The following INTS2 variants were observed in gnomAD, a reference collection of about 807,000 sequenced individuals.
INTS2 encodes KIAA1287.
In INTS2, 57 loss-of-function variants were observed where a neutral mutation model predicts 139.6. That is an observed-to-expected ratio of 0.41 (90% CI 0.33 to 0.51). The LOEUF (loss-of-function observed/expected upper bound fraction) is 0.51, where lower values mean the gene tolerates loss of function less well. Among genes scored for constraint, INTS2 ranks in the 20% least tolerant of loss-of-function variants. INTS2 has a pLI of 0.28. For synonymous variants in INTS2, 473 were observed against 493.4 expected (o/e 0.96, Z 0.55); for missense variants, 1,196 against 1,436.7 (o/e 0.83, Z 2.71).
Position 61,874,939 on chromosome 17 carries a change from G to A in INTS2, c.2556C>T (p.Val852=). ...QNDLMIDPLI[V]LRCDQRVHRC... ...TGTGAACCCTCTGATCACACCTTAG[G>A]ACAATGAGAGGATCTATCATCAGGT... The change falls in exon 19 of 25, where the codon GTC becomes GTT. Residue 852 remains valine (V), a synonymous_variant. Coordinates refer to ENST00000251334, the MANE Select transcript of INTS2 (RefSeq NM_001351695.2). The A allele has an allele frequency of 6.3e-7, 1 of 1,597,788 alleles. No individual in the cohort carries two copies. Among genetic ancestry groups the A allele is most frequent in the South Asian group, 1.1e-5 (1 of 88,222 alleles).
intron 9 of INTS2, 137 bp downstream of exon 9, chr17:61,904,323 G>T: frequency 1.6e-6 from 1 of 627,588 alleles, no homozygotes; most frequent in Non-Finnish European, 2.7e-6. Flanking sequence ...CTTAAAAATT[G>T]GAAAAAACAA....
rs2145896914 is a variant in INTS2, at chr17:61,868,786, C to G, written c.3244+248G>C. ...GCTTATATTTACAAATCTATATATA[C>G]TCATTCACAAAATGAAAAATACAAT... On this transcript the variant is annotated intron_variant, in intron 23 of 24. Transcript: ENST00000251334. This position sits in a 1 kb window ranked among gnomAD's most constrained non-coding sequence, Gnocchi z 4.7. Among the ~76,000 whole-genome samples, 1 of 152,202 alleles carries G rather than the reference C, an allele frequency of 6.6e-6. No individual in the cohort carries two copies. The highest frequency in any genetic ancestry group is 1.9e-4 in the East Asian group (1 of 5,188).
chr17:61,897,724 C>A lies in INTS2; in HGVS notation c.1323G>T (p.Glu441Asp). ...AACTTAGCCACACCACCATCAGCTG[C>A]TCCTGTTCAGGTGTACTATATAAAA... ...FSTLVSTPEQ[E>D]QLMVVWLSWM... is the part of the protein sequence containing the mutation. The change falls in exon 10 of 25, where the codon GAG becomes GAT. Residue 441 changes from glutamate to aspartate, a missense_variant. Transcript: ENST00000251334. The surrounding 1 kb of genome is among the most constrained non-coding windows in gnomAD (Gnocchi z 4.4). The A allele has an allele frequency of 6.2e-7, 1 of 1,606,388 alleles. No individual in the cohort carries two copies. The highest frequency in any genetic ancestry group is 1.3e-5 in the African/African-American group (1 of 74,982).
chr17:61,926,192 C>A (rs1285569869), intron 2 of INTS2, among the ~76,000 whole-genome samples, 160 bp downstream of exon 2: 2 of 152,114 alleles, frequency 1.3e-5, no homozygotes, highest in Non-Finnish European at 2.9e-5. Flanking sequence ...ACATGGAAGT[C>A]AAAAGATTCT....
intron 3 of INTS2, among the ~76,000 whole-genome samples, chr17:61,922,676 A>G (rs527479908): frequency 7.9e-5 from 12 of 151,952 alleles, no homozygotes; most frequent in Admixed American, 7.2e-4. Context: ...AAGAGTGCCA[A>G]ACTAAAAAAT....
At chr17:61,902,531 C>A (rs981565377) in intron 9 of INTS2, among the ~76,000 whole-genome samples, 6 of 151,812 alleles carry the variant, frequency 4.0e-5, no homozygotes, top group African/African-American at 1.2e-4. Context: ...GTTATGCAAC[C>A]ACCAACACAA....
In INTS2 at chr17:61,890,033, G is replaced by A. The variant is rs8076333; in HGVS notation, c.1876-139C>T. On this transcript the variant is annotated intron_variant, in intron 14 of 24. Transcript: ENST00000251334. ...GGTAAAACAGGAGAAATGTTGCTGT[G>A]TGTGTATTAAACTCAAAAAAACAAC... is the stretch of plus-strand genomic sequence containing the variant. 7.1e-3 allele frequency: 4,264 copies of A among 601,974 alleles called. 148 individuals are homozygous for A. The highest frequency in any genetic ancestry group is 0.07 in the African/African-American group (3,736 of 53,630). 37.3% of individuals were successfully genotyped at this position (601,974 alleles called of 1,614,324 possible).
intron 5 of INTS2, among the ~76,000 whole-genome samples, chr17:61,917,594 A>T (rs1417940025): frequency 6.6e-6 from 1 of 152,198 alleles, no homozygotes; most frequent in Non-Finnish European, 1.5e-5. Flanking sequence ...ACATGGACAT[A>T]AAGATGGGAA....
In INTS2 at chr17:61,897,784, C is replaced by T. The variant is rs753562078; in HGVS notation, c.1308-45G>A. The T allele has an allele frequency of 4.0e-6, 5 of 1,240,188 alleles. No homozygotes were observed. The highest frequency in any genetic ancestry group is 4.8e-5 in the East Asian group (2 of 41,524). 76.8% of individuals were successfully genotyped at this position (1,240,188 alleles called of 1,614,324 possible). On this transcript the variant is annotated intron_variant, in intron 9 of 24. Coordinates refer to ENST00000251334, the MANE Select transcript of INTS2 (RefSeq NM_001351695.2). This position sits in a 1 kb window ranked among gnomAD's most constrained non-coding sequence, Gnocchi z 4.4. ...ATGTCACTGGTTTAAATTAGATATACTAGCATATGAATAAAAAGCATTCTG... is the reference window on the plus strand; with the variant it reads ...ATGTCACTGGTTTAAATTAGATATATTAGCATATGAATAAAAAGCATTCTG...
At chr17:61,920,181 T>TA (rs1162580239) in intron 4 of INTS2, among the ~76,000 whole-genome samples, 1 of 80,098 alleles carries the variant, frequency 1.2e-5, no homozygotes, top group Non-Finnish European at 2.3e-5. Flanking sequence ...TCTTATTTGC[T>TA]TTTTTTTTTT....
Position 61,891,655 on chromosome 17 carries a change from G to A in INTS2, c.1733C>T (p.Thr578Ile), listed in dbSNP as rs762946153. The change falls in exon 14 of 25, where the codon ACT (threonine) becomes ATT (isoleucine). Residue 578 changes from threonine (T) to isoleucine (I), a missense_variant. Physicochemically the swap from Thr to Ile is moderately conservative, Grantham distance 89. Coordinates refer to ENST00000251334, the MANE Select transcript of INTS2 (RefSeq NM_001351695.2). The stretch of plus-strand genomic sequence containing the variant: ...AGGAAGTAATTGAGGATGAAGTGGA[G>A]TAGAGGTTTCACACAGCTGTCTATA... ...WIYRQLCETS[T>I]PLHPQLLPLI... 1 of 1,612,730 alleles carries A rather than the reference G, an allele frequency of 6.2e-7. No individual in the cohort carries two copies. The highest frequency in any genetic ancestry group is 1.1e-5 in the South Asian group (1 of 91,000).
intron 1 of INTS2, 44 bp from the exon 2 acceptor site, chr17:61,926,706 A>G (rs752652491): frequency 2.1e-6 from 3 of 1,449,604 alleles, no homozygotes; most frequent in South Asian, 2.4e-5. Context: ...TAACTTTCAC[A>G]TGTATGAACA....
rs781230614 is a variant in INTS2 at position 61,904,469 on chromosome 17, G to A, written c.1298C>T (p.Thr433Ile). Reference sequence around the variant, plus strand: ...TTATATAGTTAGGTACCTGACAAGTGTAGAAAAGGCCAGTAGCATACAAAA... The same window carrying A: ...TTATATAGTTAGGTACCTGACAAGTATAGAAAAGGCCAGTAGCATACAAAA... ...LSFCMLLAFS[T>I]LVSTPEQEQL... Residue 433 changes from threonine (T) to isoleucine (I), a missense_variant, in exon 9 of 25, where the codon ACA becomes ATA. Around this residue, in one of 3 missense-constraint regions of INTS2, gnomAD observed 1,129 missense variants for 1,341.9 expected, o/e 0.84. Coordinates refer to ENST00000251334, the MANE Select transcript of INTS2 (RefSeq NM_001351695.2). 1 of 1,607,006 alleles carries A rather than the reference G, an allele frequency of 6.2e-7. No individual in the cohort carries two copies. Among genetic ancestry groups the A allele is most frequent in the African/African-American group, 1.3e-5 (1 of 74,808 alleles).
At chr17:61,907,118 C>T (rs1394791044) in intron 8 of INTS2, among the ~76,000 whole-genome samples, 1 of 152,080 alleles carries the variant, frequency 6.6e-6, no homozygotes, top group African/African-American at 2.4e-5. Flanking sequence ...ATAGTTTTGT[C>T]AAGCTGTGTT....
intron 11 of INTS2, among the ~76,000 whole-genome samples, chr17:61,896,945 G>T (rs1321960258): frequency 6.6e-6 from 1 of 152,134 alleles, no homozygotes; most frequent in East Asian, 1.9e-4. Context: ...ACAGGTGTAT[G>T]AAGAGATACA....
intron 17 of INTS2, 77 bp downstream of exon 17, chr17:61,880,930 G>T (rs904317118): frequency 1.7e-6 from 2 of 1,147,862 alleles, no homozygotes; most frequent in East Asian, 2.4e-5. Context: ...AATTCTGTAT[G>T]ATTATAAGAT....
intron 14 of INTS2, among the ~76,000 whole-genome samples, chr17:61,891,285 C>T (rs1197983372): frequency 6.6e-6 from 1 of 151,912 alleles, no homozygotes; most frequent in Non-Finnish European, 1.5e-5. Context: ...GCACTCCAGC[C>T]TAGGCAACAA....
chr17:61,916,863 C>T (rs918840129), intron 5 of INTS2, among the ~76,000 whole-genome samples: 4 of 152,086 alleles, frequency 2.6e-5, no homozygotes, highest in African/African-American at 9.7e-5. Context: ...AAACAATCTA[C>T]AGAATGGGAG....
chr17:61,915,816 T>TG (rs1555625974), intron 5 of INTS2, among the ~76,000 whole-genome samples: 4 of 64,190 alleles, frequency 6.2e-5, no homozygotes, highest in African/African-American at 2.4e-4. Context: ...AGACTCTGTC[T>TG]AAAAAAAAAA....
Sources: allele counts gnomAD v4.1 joint callset (sites outside exome capture counted in the v4.1 genomes callset), GRCh38; gene constraint gnomAD v4.1.1; regional missense constraint gnomAD v4.1.1; non-coding constraint Gnocchi (gnomAD v3.1); transcripts MANE v1.5; gene names NCBI Gene and HGNC (gene_info 2026-07-23, HGNC 2026-07-21).